BICC1: variants seen among roughly 807,000 people sequenced by gnomAD.
BICC1 encodes protein bicaudal C homolog 1.
Under a neutral mutation model 111.0 loss-of-function variants are expected in BICC1, and 43 were observed. That is an observed-to-expected ratio of 0.39 (90% CI 0.30 to 0.50). BICC1 has a LOEUF of 0.50. BICC1 is among the 20% of genes least tolerant of loss of function. The pLI is 0.88. For synonymous variants in BICC1, 467 were observed against 434.4 expected (o/e 1.07, Z -0.93); for missense variants, 1,091 against 1,203.2 (o/e 0.91, Z 1.38).
intron 1 of BICC1, among the ~76,000 whole-genome samples, chr10:58,536,400 A>T (rs1422649388): frequency 1.3e-5 from 2 of 151,786 alleles, no homozygotes; most frequent in Admixed American, 1.3e-4. Context: ...AGCAGAATAA[A>T]ATCAATTCCA....
intron 2 of BICC1, among the ~76,000 whole-genome samples, chr10:58,662,206 C>T (rs1838866312): frequency 6.6e-6 from 1 of 152,154 alleles, no homozygotes. Context: ...TGACACATAT[C>T]TTGGACATCT....
At chr10:58,796,269 TC>T in intron 9 of BICC1, 70 bp from the exon 10 acceptor site, 5 of 1,328,246 alleles carry the variant, frequency 3.8e-6, no homozygotes, top group Non-Finnish European at 5.3e-6. Context: ...ATTTTCCACC[TC>T]CCTCCCCTCC....
At chr10:58,556,650 A>G (rs1162042052) in intron 1 of BICC1, among the ~76,000 whole-genome samples, 1 of 151,956 alleles carries the variant, frequency 6.6e-6, no homozygotes, top group African/African-American at 2.4e-5. Flanking sequence ...CACTTACAAT[A>G]TTATCATTAT....
chr10:58,799,286 T>G (rs1409295936), intron 12 of BICC1, 34 bp downstream of exon 12: 2 of 1,519,024 alleles, frequency 1.3e-6, no homozygotes, highest in Admixed American at 4.0e-5. Flanking sequence ...GTGTGTGATC[T>G]GTACTGTTTG....
intron 17 of BICC1, among the ~76,000 whole-genome samples, chr10:58,808,075 CT>C (rs112775737): frequency 0.056 from 7,995 of 142,520 alleles, 249 homozygotes; most frequent in South Asian, 0.12. Context: ...AAACATGCTG[CT>C]TTTTTTTTTT....
intron 3 of BICC1, among the ~76,000 whole-genome samples, chr10:58,735,972 C>T (rs977223955): frequency 2.0e-5 from 3 of 152,178 alleles, no homozygotes; most frequent in African/African-American, 7.2e-5. Flanking sequence ...CCTTGAGCCC[C>T]ATTTCCCTTT....
At chr10:58,606,698 T>C (rs903770935) in intron 1 of BICC1, among the ~76,000 whole-genome samples, 3 of 152,136 alleles carry the variant, frequency 2.0e-5, no homozygotes, top group African/African-American at 7.2e-5. Flanking sequence ...CTCTGGAAGG[T>C]TTTAAGATAT....
chr10:58,626,878 G>A (rs1357615871), intron 2 of BICC1, among the ~76,000 whole-genome samples: 2 of 152,292 alleles, frequency 1.3e-5, no homozygotes, highest in South Asian at 2.1e-4. Flanking sequence ...GCCGAGGTGG[G>A]CAGATCACCT....
intron 1 of BICC1, among the ~76,000 whole-genome samples, chr10:58,591,430 G>A (rs1003307973): frequency 1.3e-5 from 2 of 152,156 alleles, no homozygotes; most frequent in Non-Finnish European, 2.9e-5. Flanking sequence ...CAAAGATCAA[G>A]CGTCTGGCCT....
chr10:58,535,913 G>A (rs1195057116), intron 1 of BICC1, among the ~76,000 whole-genome samples: 1 of 150,590 alleles, frequency 6.6e-6, no homozygotes. Flanking sequence ...CCAAAAGCAA[G>A]CAGGAGGAAC....
intron 2 of BICC1, among the ~76,000 whole-genome samples, chr10:58,696,634 A>G (rs1840072954): frequency 6.6e-6 from 1 of 152,228 alleles, no homozygotes; most frequent in Non-Finnish European, 1.5e-5. Flanking sequence ...ATAAGAGAGC[A>G]GCTAAGGAAC....
At chr10:58,655,606 A>G (rs1838614979) in intron 2 of BICC1, among the ~76,000 whole-genome samples, 1 of 71,764 alleles carries the variant, frequency 1.4e-5, no homozygotes, top group Admixed American at 1.8e-4. Context: ...GGTTTTCTAG[A>G]TATACAATCA....
chr10:58,629,298 G>T (rs1204025460), intron 2 of BICC1, among the ~76,000 whole-genome samples: 1 of 138,214 alleles, frequency 7.2e-6, no homozygotes, highest in African/African-American at 2.7e-5. Flanking sequence ...GGATATCGTG[G>T]TCTAAATAGT....
intron 3 of BICC1, among the ~76,000 whole-genome samples, chr10:58,765,723 C>T (rs893081221): frequency 2.6e-5 from 4 of 152,186 alleles, no homozygotes; most frequent in Non-Finnish European, 5.9e-5. Context: ...AAGATGAGGA[C>T]TCACAGGGCA....
intron 3 of BICC1, among the ~76,000 whole-genome samples, chr10:58,725,635 A>AACAAATCCACATGGTTTAC (rs1474651240): frequency 6.6e-6 from 1 of 152,218 alleles, no homozygotes; most frequent in Non-Finnish European, 1.5e-5. Context: ...TTATTTTGCA[A>AACAAATCCACATGGTTTAC]ACAAATCCAC....
chr10:58,817,492 A>T, intron 18 of BICC1, 70 bp from the exon 19 acceptor site: 1 of 1,556,610 alleles, frequency 6.4e-7, no homozygotes, highest in Non-Finnish European at 8.8e-7. Context: ...TTAGGTGATT[A>T]AAACTTTTAA....
chr10:58,698,970 T>C (rs1478643062), intron 2 of BICC1, among the ~76,000 whole-genome samples: 4 of 152,222 alleles, frequency 2.6e-5, no homozygotes. Flanking sequence ...CAAAGGCATC[T>C]GGCCAGAGCT....
intron 2 of BICC1, among the ~76,000 whole-genome samples, chr10:58,624,279 T>C (rs1845917736): frequency 6.6e-6 from 1 of 152,242 alleles, no homozygotes; most frequent in Non-Finnish European, 1.5e-5. Context: ...ATTATACATC[T>C]GCAGTGACCC....
At chr10:58,585,605 C>A (rs1356950456) in intron 1 of BICC1, among the ~76,000 whole-genome samples, 1 of 152,116 alleles carries the variant, frequency 6.6e-6, no homozygotes, top group East Asian at 1.9e-4. Flanking sequence ...ACCAGTGGAT[C>A]TCATTGTGCA....
Sources: allele counts gnomAD v4.1 joint callset (sites outside exome capture counted in the v4.1 genomes callset), GRCh38; gene constraint gnomAD v4.1.1; transcripts MANE v1.5; gene names NCBI Gene and HGNC (gene_info 2026-07-23, HGNC 2026-07-21).